The following GPC4 variants were observed in gnomAD, a reference collection of about 807,000 sequenced individuals.
GPC4 encodes the protein glypican-4.
In GPC4, 10 loss-of-function variants were observed where a neutral mutation model predicts 35.0. The observed-to-expected ratio is 0.29, with a 90% CI of 0.18 to 0.48. The LOEUF (loss-of-function observed/expected upper bound fraction) is 0.48, where lower values mean the gene tolerates loss of function less well. GPC4 is among the 20% of genes least tolerant of loss of function. GPC4 has a pLI of 0.99. For synonymous variants in GPC4, 167 were observed against 170.2 expected (o/e 0.98, Z 0.15); for missense variants, 322 against 451.3 (o/e 0.71, Z 2.60).
intron 3 of GPC4, among the ~76,000 whole-genome samples, chrX:133,321,336 C>T (rs2068363738): frequency 8.9e-6 from 1 of 111,831 alleles, no homozygotes; most frequent in African/African-American, 3.3e-5. Flanking sequence ...TGGCTACCCT[C>T]CCCATCCATG....
At chrX:133,340,229 C>T (rs1465142338) in intron 1 of GPC4, among the ~76,000 whole-genome samples, 1 of 110,354 alleles carries the variant, frequency 9.1e-6, no homozygotes, top group African/African-American at 3.3e-5. Flanking sequence ...GAGTTCCCCC[C>T]CTTGTTCTCC....
At chrX:133,345,504 G>A (rs536695463) in intron 1 of GPC4, among the ~76,000 whole-genome samples, 2 of 112,112 alleles carry the variant, frequency 1.8e-5, no homozygotes, top group East Asian at 2.8e-4. Flanking sequence ...AGGTTTCCCC[G>A]TACACAGTGA....
intron 1 of GPC4, among the ~76,000 whole-genome samples, chrX:133,370,934 T>C (rs183568697): frequency 1.4e-3 from 153 of 112,197 alleles, no homozygotes; most frequent in Non-Finnish European, 2.4e-3. Flanking sequence ...CTTTATTAGC[T>C]ATGACAAGCA....
At chrX:133,373,398 C>T (rs1834068608) in intron 1 of GPC4, among the ~76,000 whole-genome samples, 1 of 111,907 alleles carries the variant, frequency 8.9e-6, no homozygotes, top group Non-Finnish European at 1.9e-5. Flanking sequence ...GACACACACA[C>T]ACACACACAC....
chrX:133,358,205 G>A (rs984041509), intron 1 of GPC4, among the ~76,000 whole-genome samples: 1 of 111,994 alleles, frequency 8.9e-6, no homozygotes, highest in Non-Finnish European at 1.9e-5. Flanking sequence ...ATTCTTATGA[G>A]AGTGCCATTA....
intron 1 of GPC4, among the ~76,000 whole-genome samples, chrX:133,404,587 G>A (rs1448683446): frequency 2.0e-5 from 2 of 102,362 alleles, no homozygotes; most frequent in Non-Finnish European, 3.9e-5. Flanking sequence ...GGGGCCGGGC[G>A]TGGTGGCTCA....
In GPC4 at chrX:133,324,138, T is replaced by C; in HGVS notation, c.711+7A>G. 1 of 1,177,196 alleles carries C rather than the reference T, an allele frequency of 8.5e-7. No individual in the cohort carries two copies. The highest frequency in any genetic ancestry group is 2.0e-5 in the South Asian group (1 of 50,525). On this transcript the variant is annotated splice_region_variant and intron_variant, in intron 3 of 8. Transcript: ENST00000370828. ...AAAACAAAACAGAGAAGACAAGGAG[T>C]ACTTACCACGGAGACCTTGCTCACG... is the stretch of plus-strand genomic sequence containing the variant.
At chrX:133,361,022 G>T (rs1321615435) in intron 1 of GPC4, among the ~76,000 whole-genome samples, 2 of 111,411 alleles carry the variant, frequency 1.8e-5, no homozygotes, top group African/African-American at 6.5e-5. Flanking sequence ...GATAGGTAAG[G>T]GAAAAATCTC....
At chrX:133,404,249 A>G (rs1395662769) in intron 1 of GPC4, among the ~76,000 whole-genome samples, 1 of 110,815 alleles carries the variant, frequency 9.0e-6, no homozygotes, top group Admixed American at 9.6e-5. Flanking sequence ...GAGGGCTTTC[A>G]AAAGAAGGTG....
intron 1 of GPC4, among the ~76,000 whole-genome samples, chrX:133,355,126 G>C (rs1239752875): frequency 2.7e-5 from 3 of 111,812 alleles, no homozygotes; most frequent in Non-Finnish European, 5.6e-5. Context: ...TTATGTTTTT[G>C]CCCATGAGTG....
chrX:133,383,218 G>A (rs1227701443), intron 1 of GPC4, among the ~76,000 whole-genome samples: 1 of 111,598 alleles, frequency 9.0e-6, no homozygotes, highest in Non-Finnish European at 1.9e-5. Context: ...GTACTAAAAT[G>A]AAATGAACTA....
At chrX:133,414,771 G>T (rs776950123) in intron 1 of GPC4, 35 bp downstream of exon 1, 2 of 1,201,642 alleles carry the variant, frequency 1.7e-6, no homozygotes, top group South Asian at 3.6e-5. Context: ...CGAAGTGTCG[G>T]TCTCTGCGCC....
At chrX:133,308,713 A>G (rs972863515) in intron 4 of GPC4, among the ~76,000 whole-genome samples, 11 of 111,127 alleles carry the variant, frequency 9.9e-5, no homozygotes, top group African/African-American at 1.6e-4. Flanking sequence ...GTCTAGTCCA[A>G]CTGCATTATT....
At chrX:133,352,395 C>T (rs761408396) in intron 1 of GPC4, among the ~76,000 whole-genome samples, 5 of 111,397 alleles carry the variant, frequency 4.5e-5, no homozygotes, top group African/African-American at 6.5e-5. Flanking sequence ...CCTTGGGGAC[C>T]TAGTTCTGCT....
chrX:133,395,177 ACATGATGCGTTCAAAATAGGCC>A (rs1263389426), intron 1 of GPC4, among the ~76,000 whole-genome samples: 1 of 111,803 alleles, frequency 8.9e-6, no homozygotes, highest in Non-Finnish European at 1.9e-5. Context: ...GGGTTAATCT[ACATGATGCGTTCAAAATAGGCC>A]CATAGTGAGT....
chrX:133,327,381 T>C (rs147236938), intron 2 of GPC4, among the ~76,000 whole-genome samples: 1,885 of 111,801 alleles, frequency 0.017, 45 homozygotes, highest in African/African-American at 0.057. Context: ...GTTTAGCCTT[T>C]TGACAAAGTG....
chrX:133,328,478 T>C (rs2068404264), intron 2 of GPC4, among the ~76,000 whole-genome samples: 1 of 112,031 alleles, frequency 8.9e-6, no homozygotes, highest in African/African-American at 3.2e-5. Context: ...TCTTGCATAA[T>C]TCTTTCACAT....
intron 1 of GPC4, among the ~76,000 whole-genome samples, chrX:133,397,790 G>A (rs1367554279): frequency 8.9e-6 from 1 of 112,071 alleles, no homozygotes; most frequent in Non-Finnish European, 1.9e-5. Context: ...GCTGGGCACA[G>A]TGGCTCACGC....
intron 1 of GPC4, among the ~76,000 whole-genome samples, chrX:133,392,678 A>AAG (rs1313143400): frequency 1.8e-5 from 2 of 109,944 alleles, no homozygotes; most frequent in African/African-American, 6.6e-5. Context: ...AAAAAAAAAA[A>AAG]AAAAGGAGAG....
Sources: allele counts gnomAD v4.1 joint callset (sites outside exome capture counted in the v4.1 genomes callset), GRCh38; gene constraint gnomAD v4.1.1; transcripts MANE v1.5; gene names NCBI Gene and HGNC (gene_info 2026-07-23, HGNC 2026-07-21).